Variants in PDZRN3 observed in about 807,000 individuals in gnomAD.
The protein encoded by PDZRN3 is E3 ubiquitin-protein ligase PDZRN3.
PDZRN3 carries 38 observed loss-of-function variants against 85.7 expected under a neutral mutation model. The observed-to-expected ratio is 0.44, with a 90% CI of 0.34 to 0.58. The LOEUF (loss-of-function observed/expected upper bound fraction) is 0.58. Among genes scored for constraint, PDZRN3 ranks in the 20% least tolerant of loss-of-function variants. PDZRN3 has a pLI of 0.01. For synonymous variants in PDZRN3, 759 were observed against 638.0 expected (o/e 1.19, Z -2.86); for missense variants, 1,629 against 1,506.4 (o/e 1.08, Z -1.35).
intron 3 of PDZRN3, among the ~76,000 whole-genome samples, chr3:73,534,495 G>A (rs1474354087): frequency 6.6e-6 from 1 of 152,168 alleles, no homozygotes; most frequent in Non-Finnish European, 1.5e-5. Context: ...ACACTTAAGA[G>A]TTCTGGTGAA....
intron 3 of PDZRN3, among the ~76,000 whole-genome samples, chr3:73,498,883 C>T (rs115774921): frequency 0.011 from 1,707 of 152,124 alleles, 35 homozygotes; most frequent in African/African-American, 0.04. Context: ...GTGCCTGGCC[C>T]GTATGTTAAC....
chr3:73,522,468 C>A (rs1704390827), intron 3 of PDZRN3, among the ~76,000 whole-genome samples: 1 of 152,212 alleles, frequency 6.6e-6, no homozygotes, highest in Non-Finnish European at 1.5e-5. Flanking sequence ...CATGCTATGA[C>A]AATGTCTAAC....
At chr3:73,502,920 A>T (rs906965691) in intron 3 of PDZRN3, among the ~76,000 whole-genome samples, 1 of 152,194 alleles carries the variant, frequency 6.6e-6, no homozygotes, top group Non-Finnish European at 1.5e-5. Context: ...AATACTTTCT[A>T]CAAGATGGTC....
At chr3:73,553,659 T>C (rs1312256599) in intron 3 of PDZRN3, among the ~76,000 whole-genome samples, 1 of 151,956 alleles carries the variant, frequency 6.6e-6, no homozygotes, top group Non-Finnish European at 1.5e-5. Context: ...CCAGACCCAG[T>C]ACTTGAACTC....
At chr3:73,409,240 G>A (rs948117019) in intron 3 of PDZRN3, among the ~76,000 whole-genome samples, 1 of 152,160 alleles carries the variant, frequency 6.6e-6, no homozygotes, top group Non-Finnish European at 1.5e-5. Context: ...TTTAGCATAA[G>A]GTCTCCTGAG....
At chr3:73,504,865 A>C (rs1704042769) in intron 3 of PDZRN3, among the ~76,000 whole-genome samples, 1 of 152,224 alleles carries the variant, frequency 6.6e-6, no homozygotes, top group South Asian at 2.1e-4. Context: ...TTAATTAACA[A>C]CATAATTGAT....
intron 3 of PDZRN3, among the ~76,000 whole-genome samples, chr3:73,448,802 TC>T (rs1486917173): frequency 6.6e-6 from 1 of 152,148 alleles, no homozygotes; most frequent in Non-Finnish European, 1.5e-5. Context: ...ATGTAACACC[TC>T]AAGCCAGAGA....
chr3:73,617,825 C>T (rs566866887), intron 1 of PDZRN3, among the ~76,000 whole-genome samples: 1 of 152,174 alleles, frequency 6.6e-6, no homozygotes, highest in African/African-American at 2.4e-5. Context: ...CCTGCCTCAG[C>T]CTCCCCAGTA....
At chr3:73,405,661 A>G (rs1319608618) in intron 3 of PDZRN3, among the ~76,000 whole-genome samples, 2 of 152,186 alleles carry the variant, frequency 1.3e-5, no homozygotes, top group Admixed American at 1.3e-4. Flanking sequence ...CTGAGTTTAA[A>G]TCTCTTAGAT....
intron 4 of PDZRN3, among the ~76,000 whole-genome samples, chr3:73,401,331 G>C (rs1179065512): frequency 1.3e-5 from 2 of 152,120 alleles, no homozygotes; most frequent in Non-Finnish European, 2.9e-5. Flanking sequence ...CTCTACGCAG[G>C]AAACAGGACA....
At chr3:73,469,502 C>T (rs920489652) in intron 3 of PDZRN3, among the ~76,000 whole-genome samples, 7 of 152,192 alleles carry the variant, frequency 4.6e-5, no homozygotes, top group African/African-American at 1.4e-4. Context: ...GATGGCTCTG[C>T]TTTTAGTGAA....
intron 3 of PDZRN3, among the ~76,000 whole-genome samples, chr3:73,524,214 A>G (rs1704465797): frequency 1.3e-5 from 2 of 152,248 alleles, no homozygotes; most frequent in Non-Finnish European, 2.9e-5. Flanking sequence ...GGCTGTAAAC[A>G]TATCAAAGAA....
intron 3 of PDZRN3, among the ~76,000 whole-genome samples, chr3:73,597,740 A>AC (rs1374826675): frequency 2.7e-5 from 4 of 146,264 alleles, no homozygotes; most frequent in African/African-American, 7.8e-5. Context: ...GCAAGCCATG[A>AC]CCAAAAAAAA....
chr3:73,556,153 T>C (rs1170366105), intron 3 of PDZRN3, among the ~76,000 whole-genome samples: 1 of 152,212 alleles, frequency 6.6e-6, no homozygotes, highest in Non-Finnish European at 1.5e-5. Flanking sequence ...TTGAAATTTT[T>C]CTAGTGGCTT....
intron 5 of PDZRN3, among the ~76,000 whole-genome samples, chr3:73,399,692 C>T (rs919662958): frequency 6.6e-6 from 1 of 152,068 alleles, no homozygotes; most frequent in African/African-American, 2.4e-5. Flanking sequence ...AAATGGCAAG[C>T]GCTTTGGTAA....
intron 3 of PDZRN3, among the ~76,000 whole-genome samples, chr3:73,564,327 C>T (rs1163597492): frequency 1.3e-5 from 2 of 152,172 alleles, no homozygotes; most frequent in African/African-American, 4.8e-5. Context: ...GTCCTAGTCT[C>T]ACCTTTTATT....
At chr3:73,572,793 A>T (rs956126344) in intron 3 of PDZRN3, among the ~76,000 whole-genome samples, 11 of 152,100 alleles carry the variant, frequency 7.2e-5, no homozygotes, top group Non-Finnish European at 1.6e-4. Context: ...CTTTTTCAAT[A>T]AAAAAATGCA....
At chr3:73,619,350 T>C (rs1359203811) in intron 1 of PDZRN3, among the ~76,000 whole-genome samples, 6 of 152,326 alleles carry the variant, frequency 3.9e-5, no homozygotes, top group East Asian at 1.9e-4. Flanking sequence ...CTTCCACTTA[T>C]TTAGTTACAG....
At chr3:73,617,561 T>C (rs1702783005) in intron 1 of PDZRN3, among the ~76,000 whole-genome samples, 1 of 152,204 alleles carries the variant, frequency 6.6e-6, no homozygotes, top group Non-Finnish European at 1.5e-5. Context: ...ACTAGGGGTA[T>C]GAGAATGTGA....
Sources: gnomAD v4.1 joint callset for allele counts (sites outside exome capture counted in the v4.1 genomes callset) on GRCh38, gnomAD v4.1.1 for gene constraint, MANE v1.5 for transcripts, NCBI Gene and HGNC (gene_info 2026-07-23, HGNC 2026-07-21) for gene names.